Variants in GLDC observed in about 807,000 individuals in gnomAD.
GLDC encodes glycine dehydrogenase (decarboxylating), mitochondrial.
In GLDC, 104 loss-of-function variants were observed where a neutral mutation model predicts 121.3. That is an observed-to-expected ratio of 0.86 (90% CI 0.73 to 1.01). The LOEUF (loss-of-function observed/expected upper bound fraction) is 1.01, where lower values mean the gene tolerates loss of function less well. Ranked by LOEUF, GLDC falls within the 50% of genes least tolerant of loss-of-function variation. The pLI, the probability that GLDC is intolerant of heterozygous loss-of-function variation, is 0.00. For missense variants in GLDC, 1,429 were observed against 1,306.6 expected, an observed-to-expected ratio of 1.09 and a Z score of -1.44; for synonymous variants, 546 against 480.6, an observed-to-expected ratio of 1.14 and a Z score of -1.78.
chr9:6,536,202 T>G lies in GLDC; in HGVS notation c.2700A>C (p.Ala900=). ...FHAPTMSWPV[A]GTLMVEPTES... is the part of the protein sequence containing the mutation. ...CAGTGGGCTCCACCATGAGGGTCCC[T>G]GCCACAGGCCAGGACATGGTAGGGG... The change falls in exon 23 of 25, where the codon GCA becomes GCC. Residue 900 remains alanine, a synonymous_variant. Transcript: ENST00000321612. 1 of 1,614,076 alleles carries G rather than the reference T, an allele frequency of 6.2e-7. No individual in the cohort carries two copies. Among genetic ancestry groups the G allele is most frequent in the Non-Finnish European group, 8.5e-7 (1 of 1,179,976 alleles).
intron 2 of GLDC, among the ~76,000 whole-genome samples, chr9:6,644,057 A>AAAAAACG: frequency 1.4e-5 from 2 of 147,228 alleles, no homozygotes; most frequent in African/African-American, 5.0e-5. Flanking sequence ...AAAACGAAAA[A>AAAAAACG]AAAAAGAAAA....
chr9:6,614,661 T>A (rs142126037), intron 3 of GLDC, among the ~76,000 whole-genome samples: 49 of 152,092 alleles, frequency 3.2e-4, no homozygotes, highest in African/African-American at 1.1e-3. Flanking sequence ...ATTGCTGGGA[T>A]AACAGGAGTG....
At chr9:6,610,051 C>T (rs899090101) in intron 4 of GLDC, 141 bp downstream of exon 4, 6 of 687,614 alleles carry the variant, frequency 8.7e-6, no homozygotes, top group Non-Finnish European at 1.5e-5. Flanking sequence ...GTTTTTGAAC[C>T]TGTTGAGTTT....
chr9:6,565,092 C>A (rs1320220108), intron 16 of GLDC, among the ~76,000 whole-genome samples: 2 of 152,214 alleles, frequency 1.3e-5, no homozygotes, highest in Non-Finnish European at 2.9e-5. Flanking sequence ...CCCTAGAGAG[C>A]AGTTCCACAG....
chr9:6,556,112 T>C, intron 18 of GLDC, 41 bp downstream of exon 18: 2 of 1,574,628 alleles, frequency 1.3e-6, no homozygotes, highest in African/African-American at 1.3e-5. Context: ...ACATATCCAT[T>C]TTCTCAGTGG....
chr9:6,607,534 A>T (rs1818760290), intron 4 of GLDC, among the ~76,000 whole-genome samples: 1 of 152,128 alleles, frequency 6.6e-6, no homozygotes. Context: ...GTGAGCCAAG[A>T]TCGCCTCACT....
At chr9:6,551,994 C>T (rs1817524903) in intron 20 of GLDC, among the ~76,000 whole-genome samples, 1 of 152,146 alleles carries the variant, frequency 6.6e-6, no homozygotes, top group Admixed American at 6.5e-5. Flanking sequence ...GGGGCCTAGG[C>T]ATGTGCATTC....
intron 11 of GLDC, among the ~76,000 whole-genome samples, chr9:6,589,948 G>C (rs35406241): frequency 6.6e-6 from 1 of 151,672 alleles, no homozygotes; most frequent in Non-Finnish European, 1.5e-5. Context: ...GCAGCTACTC[G>C]GGAGGCTGAG....
intron 2 of GLDC, among the ~76,000 whole-genome samples, chr9:6,637,039 G>A (rs1396911877): frequency 2.6e-5 from 4 of 151,582 alleles, no homozygotes; most frequent in Admixed American, 6.6e-5. Flanking sequence ...AGCCGAGATC[G>A]TGCCATTGCT....
At chr9:6,610,462 G>T in intron 3 of GLDC, 106 bp from the exon 4 acceptor site, 3 of 1,089,778 alleles carry the variant, frequency 2.8e-6, no homozygotes, top group Non-Finnish European at 4.1e-6. Context: ...TGCCTATCTT[G>T]AGGAGAATTA....
At position 6,553,495 on chromosome 9, in the gene GLDC, G is replaced by T. The variant is rs1038929765; in HGVS notation, c.2330C>A (p.Ala777Asp). The change falls in exon 20 of 25, where the codon GCC becomes GAC. Residue 777 changes from alanine to aspartate, a missense_variant. By Grantham distance (126) the Ala-to-Asp change is moderately radical (BLOSUM62 -2). Transcript: ENST00000321612. ...MGPIGVKKHL[A>D]PFLPNHPVIS... Reference sequence around the variant, plus strand: ...GACGGGATGATTGGGCAAAAACGGGGCGAGATGTTTCTTCCTGTATTTTTT... The same window carrying T: ...GACGGGATGATTGGGCAAAAACGGGTCGAGATGTTTCTTCCTGTATTTTTT... 2 of 1,612,426 alleles carry T rather than the reference G, an allele frequency of 1.2e-6. No homozygotes were observed. The highest frequency in any genetic ancestry group is 1.7e-5 in the Admixed American group (1 of 59,686).
chr9:6,540,090 T>A lies in GLDC; in HGVS notation c.2626A>T (p.Ile876Phe). Residue 876 changes from isoleucine to phenylalanine, a missense_variant, in exon 22 of 25, where the codon ATT becomes TTT. By Grantham distance (21) the Ile-to-Phe change is conservative. Coordinates refer to ENST00000321612, the MANE Select transcript of GLDC (RefSeq NM_000170.3). Reference protein sequence around the residue: ...DTRPFKKSANIEAVDVAKRLQ... With the variant: ...DTRPFKKSANFEAVDVAKRLQ... ...CTCTTGGCCACATCCACAGCCTCAA[T>A]ATTTGCAGACTTTTTGAAGGGTCTC... 1 of 1,613,514 alleles carries A rather than the reference T, an allele frequency of 6.2e-7. No homozygotes were observed. The highest frequency in any genetic ancestry group is 1.1e-5 in the South Asian group (1 of 91,066).
intron 19 of GLDC, among the ~76,000 whole-genome samples, chr9:6,554,304 A>C (rs1817573005): frequency 6.6e-6 from 1 of 152,170 alleles, no homozygotes; most frequent in Admixed American, 6.5e-5. Flanking sequence ...ATTTTAAAAA[A>C]GAAAAAAAAA....
intron 16 of GLDC, among the ~76,000 whole-genome samples, chr9:6,564,162 C>T (rs1483468368): frequency 2.0e-5 from 3 of 151,674 alleles, no homozygotes; most frequent in African/African-American, 4.9e-5. Flanking sequence ...GCACAAGAAT[C>T]GCTTGAACCC....
intron 15 of GLDC, among the ~76,000 whole-genome samples, chr9:6,573,120 T>G (rs1295704130): frequency 1.3e-5 from 2 of 152,146 alleles, no homozygotes; most frequent in Non-Finnish European, 2.9e-5. Context: ...ATAGAATACA[T>G]TTATGTGGGC....
In GLDC at chr9:6,610,274, C is replaced by T. The variant is rs776847249; in HGVS notation, c.553G>A (p.Asp185Asn). 10 of 1,613,804 alleles carry T rather than the reference C, an allele frequency of 6.2e-6. No homozygotes were observed. Among genetic ancestry groups the T allele is most frequent in the Non-Finnish European group, 5.9e-6 (7 of 1,179,842 alleles). ...TTGGCCATGTCCAGGCCTGTGATGT[C>T]ACACACCATGGTCTGGTAGTTGAGT... Reference protein sequence around the residue: ...SLLNYQTMVCDITGLDMANAS... With the variant: ...SLLNYQTMVCNITGLDMANAS... The change falls in exon 4 of 25, where the codon GAC becomes AAC. Residue 185 changes from aspartate (D) to asparagine (N), a missense_variant. Asp to Asn is a conservative substitution (Grantham distance 23). Transcript: ENST00000321612.
chr9:6,577,733 T>A (rs1294116755), intron 15 of GLDC, among the ~76,000 whole-genome samples: 1 of 151,962 alleles, frequency 6.6e-6, no homozygotes, highest in Non-Finnish European at 1.5e-5. Context: ...GCAGCTAACA[T>A]CTGTTGTACT....
intron 15 of GLDC, among the ~76,000 whole-genome samples, chr9:6,572,070 T>G (rs1041472549): frequency 7.2e-5 from 11 of 152,060 alleles, no homozygotes; most frequent in Non-Finnish European, 1.6e-4. Flanking sequence ...ATGTAAAACA[T>G]AAAACTATGA....
At chr9:6,539,688 C>T (rs1010197264) in intron 22 of GLDC, among the ~76,000 whole-genome samples, 3 of 152,148 alleles carry the variant, frequency 2.0e-5, no homozygotes, top group South Asian at 2.1e-4. Context: ...GAAACAGCTA[C>T]GCCATGACAG....
Sources: gnomAD v4.1 joint callset for allele counts (sites outside exome capture counted in the v4.1 genomes callset) on GRCh38, gnomAD v4.1.1 for gene constraint, MANE v1.5 for transcripts, NCBI Gene and HGNC (gene_info 2026-07-23, HGNC 2026-07-21) for gene names.